Variants in NPEPPS observed in about 807,000 individuals in gnomAD.
NPEPPS encodes the protein aminopeptidase puromycin sensitive, also known as puromycin-sensitive aminopeptidase.
A neutral mutation model predicts 115.5 loss-of-function variants in NPEPPS; 14 were observed. The observed-to-expected ratio is 0.12, with a 90% confidence interval of 0.08 to 0.19. The LOEUF (loss-of-function observed/expected upper bound fraction) is 0.19. Among genes scored for constraint, NPEPPS ranks in the 10% least tolerant of loss-of-function variants. NPEPPS has a pLI of 1.00. For synonymous variants in NPEPPS, 285 were observed against 390.6 expected (o/e 0.73, Z 3.19); for missense variants, 523 against 1,110.8 (o/e 0.47, Z 7.52).
At chr17:47,554,384 G>C (rs1361315309) in intron 2 of NPEPPS, among the ~76,000 whole-genome samples, 1 of 151,458 alleles carries the variant, frequency 6.6e-6, no homozygotes, top group Admixed American at 6.6e-5. Context: ...TTTATTTTTA[G>C]AGGCAGAGTC....
intron 1 of NPEPPS, among the ~76,000 whole-genome samples, chr17:47,531,784 C>T (rs1907798160): frequency 6.6e-6 from 1 of 152,084 alleles, no homozygotes; most frequent in Non-Finnish European, 1.5e-5. Flanking sequence ...GGGGCTCGGG[C>T]TGGGGCCGCG....
intron 2 of NPEPPS, among the ~76,000 whole-genome samples, chr17:47,547,981 G>A (rs372726917): frequency 4.0e-4 from 61 of 152,148 alleles, no homozygotes; most frequent in African/African-American, 1.1e-3. Context: ...AGCCGAGATC[G>A]CGCCACTGCA....
chr17:47,549,855 T>TA lies in NPEPPS; in HGVS notation c.340+3863dup, dbSNP rs1392717731. On this transcript the variant is annotated intron_variant, in intron 2 of 22. Coordinates refer to ENST00000322157, the MANE Select transcript of NPEPPS (RefSeq NM_006310.4). ...GGCCTTCCACATGTATGTGTATATA[T>TA]ATATATAATTTAAAAAAAGAAGGTA... Among the ~76,000 whole-genome samples the TA allele has an allele frequency of 2.0e-5, 3 of 149,440 alleles. No individual in the cohort carries two copies. The East Asian group carries it at 5.9e-4, about 29-fold the overall frequency.
chr17:47,603,996 C>T lies in NPEPPS; in HGVS notation c.1822C>T (p.Leu608Phe). ...AAGTTTATTACCAGGCATTCGTGAC[C>T]TTTCTCTGCCCCCTGTGGATCGACT... ...LESLLPGIRD[L>F]SLPPVDRLGL... The change falls in exon 16 of 23, where the codon CTT becomes TTT. Residue 608 changes from leucine (L) to phenylalanine (F), a missense_variant. Transcript: ENST00000322157. 6.2e-7 allele frequency: 1 copy of T among 1,613,782 alleles called. No individual in the cohort carries two copies. The highest frequency in any genetic ancestry group is 8.5e-7 in the Non-Finnish European group (1 of 1,179,770).
chr17:47,610,811 C>T (rs1229619523), intron 17 of NPEPPS, among the ~76,000 whole-genome samples: 2 of 148,478 alleles, frequency 1.3e-5, no homozygotes, highest in Non-Finnish European at 3.0e-5. Flanking sequence ...TTTCAAGATA[C>T]CTAAGAGTGA....
chr17:47,561,272 G>T, intron 2 of NPEPPS, among the ~76,000 whole-genome samples: 1 of 150,736 alleles, frequency 6.6e-6, no homozygotes, highest in East Asian at 2.0e-4. Context: ...CAGCATTTTG[G>T]GAGGCCGAGG....
At chr17:47,523,585 A>T (rs111353727) in intron 1 of NPEPPS, among the ~76,000 whole-genome samples, 1 of 151,804 alleles carries the variant, frequency 6.6e-6, no homozygotes, top group African/African-American at 2.4e-5. Context: ...CACACCCGGC[A>T]AATTTTTTTG....
At chr17:47,576,241 T>C (rs1911514471) in intron 3 of NPEPPS, among the ~76,000 whole-genome samples, 1 of 152,174 alleles carries the variant, frequency 6.6e-6, no homozygotes, top group Admixed American at 6.5e-5. Context: ...GTGGCATTTA[T>C]ATGGAGAAAC....
In NPEPPS at chr17:47,622,809, G is replaced by T; in HGVS notation, c.*889G>T. The T allele has an allele frequency of 2.2e-6, 1 of 453,082 alleles. No homozygotes were observed. The highest frequency in any genetic ancestry group is 2.4e-5 in the Admixed American group (1 of 41,836). 28.1% of individuals were successfully genotyped at this position (453,082 alleles called of 1,614,324 possible). A position where few individuals can be genotyped will look rare whatever the true frequency, so the allele number is the denominator to read the frequency against. On this transcript the variant is annotated 3_prime_UTR_variant, in exon 23 of 23. Coordinates refer to ENST00000322157, the MANE Select transcript of NPEPPS (RefSeq NM_006310.4). ...GATCTTCAGCCAGGCCTTTCTGAAG[G>T]AGTTATTCTGCTAAAAATGGTCTTA...
rs536987662 is a variant in NPEPPS at position 47,555,879 on chromosome 17, CCA to C, written c.340+9889_340+9890del. On this transcript the variant is annotated intron_variant, in intron 2 of 22. Transcript: ENST00000322157. ...AACCTGTAATCCATGTTTGGATCTG[CCA>C]CAGTTAGGGAAGCTCTGCTATAGTT... Among the ~76,000 whole-genome samples, 404 of 151,794 alleles carry C rather than the reference CCA, an allele frequency of 2.7e-3. 2 individuals are homozygous for C. Among genetic ancestry groups the C allele is most frequent in the Middle Eastern group, 0.017 (5 of 294 alleles).
At chr17:47,595,539 C>T (rs1361801342) in intron 12 of NPEPPS, among the ~76,000 whole-genome samples, 1 of 152,054 alleles carries the variant, frequency 6.6e-6, no homozygotes, top group Non-Finnish European at 1.5e-5. Flanking sequence ...TTAAGTATAT[C>T]TCAGAATAAA....
intron 2 of NPEPPS, among the ~76,000 whole-genome samples, chr17:47,554,689 C>T (rs1909884509): frequency 6.6e-6 from 1 of 152,174 alleles, no homozygotes; most frequent in Non-Finnish European, 1.5e-5. Flanking sequence ...GTATTATACT[C>T]ACCCTTCTTC....
chr17:47,536,664 G>T (rs1908310560), intron 1 of NPEPPS, among the ~76,000 whole-genome samples: 1 of 147,174 alleles, frequency 6.8e-6, no homozygotes, highest in East Asian at 2.0e-4. Flanking sequence ...CAAAGTGCTG[G>T]GATTATGGGC....
chr17:47,599,937 C>A (rs1597878055), intron 14 of NPEPPS, among the ~76,000 whole-genome samples, 198 bp downstream of exon 14: 4 of 152,152 alleles, frequency 2.6e-5, no homozygotes, highest in Middle Eastern at 6.8e-3. Context: ...CCTGCCTCAG[C>A]CTCCCAAGTA....
At chr17:47,542,054 C>G (rs1220033508) in intron 1 of NPEPPS, among the ~76,000 whole-genome samples, 1 of 152,170 alleles carries the variant, frequency 6.6e-6, no homozygotes, top group Non-Finnish European at 1.5e-5. Context: ...TACCCATATA[C>G]AGGTCTTTCA....
At chr17:47,550,061 A>G (rs1909528993) in intron 2 of NPEPPS, among the ~76,000 whole-genome samples, 2 of 147,972 alleles carry the variant, frequency 1.4e-5, no homozygotes, top group Non-Finnish European at 3.0e-5. Flanking sequence ...CAGCCTCCCC[A>G]GCATCTGGGG....
chr17:47,595,528 A>G (rs1450801493), intron 12 of NPEPPS, among the ~76,000 whole-genome samples: 1 of 152,194 alleles, frequency 6.6e-6, no homozygotes, highest in African/African-American at 2.4e-5. Flanking sequence ...AATTAGAATG[A>G]TTAAGTATAT....
chr17:47,585,764 C>T, intron 6 of NPEPPS, 64 bp downstream of exon 6: 2 of 1,174,234 alleles, frequency 1.7e-6, no homozygotes, highest in South Asian at 1.2e-5. Flanking sequence ...ATTTACATTT[C>T]TGGTCAATTA....
At chr17:47,540,066 A>G (rs1908641106) in intron 1 of NPEPPS, among the ~76,000 whole-genome samples, 1 of 152,212 alleles carries the variant, frequency 6.6e-6, no homozygotes, top group Admixed American at 6.5e-5. Flanking sequence ...CATTCAGGAA[A>G]ATGTTATCTC....
Sources: gnomAD v4.1 joint callset for allele counts (sites outside exome capture counted in the v4.1 genomes callset) on GRCh38, gnomAD v4.1.1 for gene constraint, MANE v1.5 for transcripts, NCBI Gene and HGNC (gene_info 2026-07-23, HGNC 2026-07-21) for gene names.